OSBPL8: variants seen among roughly 807,000 people sequenced by gnomAD.
OSBPL8 encodes oxysterol-binding protein-related protein 8.
In OSBPL8, 59 loss-of-function variants were observed where a neutral mutation model predicts 125.5. The ratio of observed to expected loss-of-function variants is 0.47; its 90% CI spans 0.38 to 0.58. The LOEUF (loss-of-function observed/expected upper bound fraction) is 0.58, where lower values mean the gene tolerates loss of function less well. Among genes scored for constraint, OSBPL8 ranks in the 20% least tolerant of loss-of-function variants. The pLI is 0.00. For synonymous variants in OSBPL8, 330 were observed against 338.9 expected (o/e 0.97, Z 0.29); for missense variants, 758 against 1,047.8 (o/e 0.72, Z 3.82).
At chr12:76,410,715 T>C in intron 4 of OSBPL8, 81 bp from the exon 5 acceptor site, 1 of 943,596 alleles carries the variant, frequency 1.1e-6, no homozygotes, top group Non-Finnish European at 1.7e-6. Flanking sequence ...ATAGACTATA[T>C]TTGATATAAA....
At chr12:76,483,969 C>A (rs1200081846) in intron 2 of OSBPL8, among the ~76,000 whole-genome samples, 1 of 152,176 alleles carries the variant, frequency 6.6e-6, no homozygotes. Context: ...GCCACTGAGC[C>A]CGGCCTTGTA....
rs200132037 is a variant in OSBPL8, at chr12:76,392,657, C to T, written c.853G>A (p.Val285Ile). 67 of 1,613,880 alleles carry T rather than the reference C, an allele frequency of 4.2e-5. No homozygotes were observed. The highest frequency in any genetic ancestry group is 2.3e-4 in the Admixed American group (14 of 59,998). ...GTCACATGTGTGCTATCTGATGAAA[C>T]GCTCAGGTCATGTTCCTTTCCTTCT... ...IREGKEHDLS[V>I]SSDSTHVTFY... is the part of the protein sequence containing the mutation. The change falls in exon 10 of 24, where the codon GTT becomes ATT. Residue 285 changes from valine (V) to isoleucine (I), a missense_variant. Val to Ile is a conservative substitution (Grantham distance 29). Coordinates refer to ENST00000261183, the MANE Select transcript of OSBPL8 (RefSeq NM_020841.5).
intron 2 of OSBPL8, among the ~76,000 whole-genome samples, chr12:76,462,992 A>C (rs1398148331): frequency 6.6e-6 from 1 of 152,230 alleles, no homozygotes; most frequent in Admixed American, 6.5e-5. Context: ...GGGTCTAGTC[A>C]AAACTTTGGT....
At chr12:76,515,570 T>C (rs1456531849) in intron 1 of OSBPL8, among the ~76,000 whole-genome samples, 1 of 152,176 alleles carries the variant, frequency 6.6e-6, no homozygotes, top group East Asian at 1.9e-4. Flanking sequence ...TCTGAAAGTA[T>C]AGGTATAGAT....
intron 1 of OSBPL8, among the ~76,000 whole-genome samples, chr12:76,490,250 C>A (rs1878568492): frequency 6.6e-6 from 1 of 152,178 alleles, no homozygotes; most frequent in South Asian, 2.1e-4. Context: ...AACGGCAGGT[C>A]CCTGGCAAAA....
At chr12:76,465,206 C>T (rs1875260736) in intron 2 of OSBPL8, among the ~76,000 whole-genome samples, 1 of 152,148 alleles carries the variant, frequency 6.6e-6, no homozygotes, top group Admixed American at 6.5e-5. Context: ...CCTAATCGCA[C>T]ATTTGATCCA....
chr12:76,428,847 A>G (rs1381229411), intron 4 of OSBPL8, among the ~76,000 whole-genome samples: 1 of 152,148 alleles, frequency 6.6e-6, no homozygotes, highest in East Asian at 1.9e-4. Context: ...TCATAACATT[A>G]AAATTATCTA....
intron 15 of OSBPL8, among the ~76,000 whole-genome samples, chr12:76,379,490 C>A (rs1420280952): frequency 6.6e-6 from 1 of 152,064 alleles, no homozygotes; most frequent in East Asian, 1.9e-4. Flanking sequence ...ATAGAACTTC[C>A]CATTATCCCC....
In OSBPL8 at chr12:76,469,009, C is replaced by T. The variant is rs141349292; in HGVS notation, c.43-9114G>A. Among the ~76,000 whole-genome samples, 4 of 152,298 alleles carry T rather than the reference C, an allele frequency of 2.6e-5. No homozygotes were observed. The East Asian group carries it at 7.7e-4, about 29-fold the overall frequency. ...CAACTCAGGTCTAGCACAATCTTAC[C>T]TTTCCCTAGCTCACCTAACACTGAC... On this transcript the variant is annotated intron_variant, in intron 2 of 23. Transcript: ENST00000261183.
At chr12:76,503,883 T>C (rs944653860) in intron 1 of OSBPL8, among the ~76,000 whole-genome samples, 1 of 152,046 alleles carries the variant, frequency 6.6e-6, no homozygotes, top group Non-Finnish European at 1.5e-5. Flanking sequence ...TGGGTGCCAA[T>C]GTAACAAGGC....
intron 1 of OSBPL8, among the ~76,000 whole-genome samples, chr12:76,539,050 G>GC (rs777377295): frequency 6.8e-4 from 2 of 2,952 alleles, no homozygotes; most frequent in East Asian, 0.17. Flanking sequence ...TTAAATAACT[G>GC]GGGGGGGGGA....
At chr12:76,499,051 C>G (rs1401320649) in intron 1 of OSBPL8, among the ~76,000 whole-genome samples, 2 of 152,120 alleles carry the variant, frequency 1.3e-5, no homozygotes, top group Non-Finnish European at 1.5e-5. Flanking sequence ...CTGGGAAAGG[C>G]AGACCCACCC....
chr12:76,411,075 G>A (rs1954494790), intron 4 of OSBPL8, among the ~76,000 whole-genome samples: 1 of 152,136 alleles, frequency 6.6e-6, no homozygotes, highest in African/African-American at 2.4e-5. Flanking sequence ...ATGTGCATAT[G>A]GTGAGAATTA....
At chr12:76,535,352 A>C (rs1181629867) in intron 1 of OSBPL8, among the ~76,000 whole-genome samples, 3 of 152,186 alleles carry the variant, frequency 2.0e-5, no homozygotes, top group Admixed American at 1.3e-4. Flanking sequence ...AATCCAAGAA[A>C]AGATGCTTAC....
chr12:76,543,250 T>C (rs947230134), intron 1 of OSBPL8, among the ~76,000 whole-genome samples: 3 of 152,144 alleles, frequency 2.0e-5, no homozygotes, highest in African/African-American at 7.2e-5. Flanking sequence ...ATTAAATTAT[T>C]CTGGAACCTC....
At position 76,559,619 on chromosome 12, in the gene OSBPL8, G is replaced by A. The variant is rs1194829341; in HGVS notation, c.-290C>T. 6.6e-6 allele frequency: 1 copy of A among 152,228 alleles called. No homozygotes were observed. Among genetic ancestry groups the A allele is most frequent in the African/African-American group, 2.4e-5 (1 of 41,450 alleles). The allele number at this position is 152,228 out of a possible 1,614,324, so 9.4% of individuals were successfully genotyped here. A position where few individuals can be genotyped will look rare whatever the true frequency, so the allele number is the denominator to read the frequency against. On this transcript the variant is annotated 5_prime_UTR_variant, in exon 1 of 24. Transcript: ENST00000261183. The stretch of plus-strand genomic sequence containing the variant: ...GAGCGGGGCGGGAACTTTCGGCCCC[G>A]AGGTCCACCAGCCCGGGCGGACCCC...
chr12:76,420,309 C>T (rs1350009140), intron 4 of OSBPL8, among the ~76,000 whole-genome samples: 2 of 152,072 alleles, frequency 1.3e-5, no homozygotes, highest in African/African-American at 2.4e-5. Flanking sequence ...CTATAGATGT[C>T]TATAGATGCT....
rs575910235 is a variant in OSBPL8 at position 76,525,692 on chromosome 12, T to C, written c.-68+33705A>G. On this transcript the variant is annotated intron_variant, in intron 1 of 23. Coordinates refer to ENST00000261183, the MANE Select transcript of OSBPL8 (RefSeq NM_020841.5). ...ACAGAGGAACTGAAAATTGAATATT[T>C]ACCTAATACATGAAGAAATAACTTA... Among the ~76,000 whole-genome samples the C allele has an allele frequency of 5.3e-4, 80 of 152,264 alleles. 2 individuals carry two copies.
rs996102194 is a variant in OSBPL8, at chr12:76,559,738, C to T, written c.-409G>A. On this transcript the variant is annotated 5_prime_UTR_variant, in exon 1 of 24. Transcript: ENST00000261183. ...CGCCTGGCCAGGAGCGCGTCGCGGC[C>T]TAATGTTGTCATCCGCCGCGTCGCC... 1.4e-4 allele frequency: 21 copies of T among 152,338 alleles called. No homozygotes were observed. The highest frequency in any genetic ancestry group is 4.6e-4 in the African/African-American group (19 of 41,426). 9.4% of individuals were successfully genotyped at this position (152,338 alleles called of 1,614,324 possible).
Sources: allele counts gnomAD v4.1 joint callset (sites outside exome capture counted in the v4.1 genomes callset), GRCh38; gene constraint gnomAD v4.1.1; transcripts MANE v1.5; gene names NCBI Gene and HGNC (gene_info 2026-07-23, HGNC 2026-07-21).